FAM53A: variants seen among roughly 807,000 people sequenced by gnomAD.
The protein encoded by FAM53A is protein FAM53A.
Under a neutral mutation model 26.6 loss-of-function variants are expected in FAM53A, and 28 were observed. The ratio of observed to expected loss-of-function variants is 1.05; its 90% CI spans 0.78 to 1.45. The LOEUF (loss-of-function observed/expected upper bound fraction) is 1.45. Ranked by LOEUF, FAM53A falls within the 40% of genes most tolerant of loss-of-function variation. FAM53A has a pLI of 0.00. For synonymous variants in FAM53A, 290 were observed against 253.1 expected (o/e 1.15, Z -1.38); for missense variants, 650 against 575.8 (o/e 1.13, Z -1.32).
rs143474901 is a variant in FAM53A at position 1,669,092 on chromosome 4, TA to T, written c.-164-188del. Among the ~76,000 whole-genome samples, 1,143 of 152,160 alleles carry T rather than the reference TA, an allele frequency of 7.5e-3. 15 individuals carry two copies. Among genetic ancestry groups the T allele is most frequent in the African/African-American group, 0.026 (1,092 of 41,502 alleles). ...AATCTAATCACGGTGGTCTTCTGGC[TA>T]AAGGCAAAGACACACATTAGACCCA... On this transcript the variant is annotated intron_variant, in intron 1 of 4. Transcript: ENST00000308132.
At position 1,655,713 on chromosome 4, in the gene FAM53A, G is replaced by C; in HGVS notation, c.147C>G (p.Pro49=). The C allele has an allele frequency of 6.4e-7, 1 of 1,572,382 alleles. No individual in the cohort carries two copies. The highest frequency in any genetic ancestry group is 1.8e-5 in the Admixed American group (1 of 55,248). Residue 49 remains proline, a synonymous_variant, in exon 4 of 5, where the codon CCC becomes CCG. Transcript: ENST00000308132. ...LFPLELNDQS[P]WKVFSGGPPV... is the part of the protein sequence containing the mutation. The stretch of plus-strand genomic sequence containing the variant: ...GCGGTCCTCCACTGAAGACCTTCCA[G>C]GGACTCTGGTCTACAAAAAAAGACA...
At chr4:1,674,803 G>A (rs1264828846) in intron 1 of FAM53A, among the ~76,000 whole-genome samples, 2 of 152,188 alleles carry the variant, frequency 1.3e-5, no homozygotes, top group South Asian at 2.1e-4. Flanking sequence ...TGTCAGGCCC[G>A]TCTCCCCTTA....
At chr4:1,652,828 CCA>C (rs1560160711) in intron 4 of FAM53A, among the ~76,000 whole-genome samples, 2 of 146,004 alleles carry the variant, frequency 1.4e-5, no homozygotes, top group African/African-American at 5.1e-5. Context: ...ATACTACCCA[CCA>C]CACACCACAC....
downstream of FAM53A, among the ~76,000 whole-genome samples, chr4:1,615,419 ATG>A: frequency 6.8e-6 from 1 of 148,006 alleles, no homozygotes; most frequent in Admixed American, 6.7e-5. Flanking sequence ...CTGGGCACAC[ATG>A]GAAGACAGGA....
chr4:1,641,334 C>A lies in FAM53A; in HGVS notation c.1156G>T (p.Ala386Ser). 6.2e-7 allele frequency: 1 copy of A among 1,611,844 alleles called. No individual in the cohort carries two copies. The highest frequency in any genetic ancestry group is 8.5e-7 in the Non-Finnish European group (1 of 1,179,506). Residue 386 changes from alanine (A) to serine (S), a missense_variant, in exon 5 of 5, where the codon GCC becomes TCC. Physicochemically the swap from Ala to Ser is moderately conservative, Grantham distance 99. Coordinates refer to ENST00000308132, the MANE Select transcript of FAM53A (RefSeq NM_001174070.3). ...TGCTCCAGGTCCAGCTCCCAGCGGG[C>A]CCGGGGGAAGACGCCCTCCTCCCCG... ...SVGEEGVFPR[A>S]RWELDLEQIE...
chr4:1,668,165 G>C (rs1008172058), intron 2 of FAM53A, among the ~76,000 whole-genome samples: 1 of 149,054 alleles, frequency 6.7e-6, no homozygotes, highest in Admixed American at 6.7e-5. Flanking sequence ...TTTTTGAGAC[G>C]GAGTCTCGCT....
intron 2 of FAM53A, among the ~76,000 whole-genome samples, chr4:1,660,186 G>C (rs1407290241): frequency 6.6e-6 from 1 of 152,112 alleles, no homozygotes; most frequent in African/African-American, 2.4e-5. Context: ...GGGAGGCTGA[G>C]GCAGGGGAAT....
chr4:1,585,276 CTTTTTTTT>C, the FAM53A span, among the ~76,000 whole-genome samples: 8 of 75,962 alleles, frequency 1.1e-4, no homozygotes, highest in Non-Finnish European at 1.6e-4. Flanking sequence ...CTCTCTCTCT[CTTTTTTTT>C]TTTTTTTTTT....
At chr4:1,627,522 G>A (rs751046128) in intron 1 of FAM53A, among the ~76,000 whole-genome samples, 1 of 152,180 alleles carries the variant, frequency 6.6e-6, no homozygotes, top group Non-Finnish European at 1.5e-5. Flanking sequence ...CCTGGCCACA[G>A]CTCCCCAGCA....
chr4:1,653,487 TC>T (rs1009072077), intron 4 of FAM53A, among the ~76,000 whole-genome samples: 64 of 152,156 alleles, frequency 4.2e-4, no homozygotes, highest in African/African-American at 1.4e-3. Flanking sequence ...CTCCCATCCC[TC>T]CTGGTCCCCG....
intron 2 of FAM53A, among the ~76,000 whole-genome samples, chr4:1,658,477 T>C (rs1250688020): frequency 6.6e-6 from 1 of 152,212 alleles, no homozygotes; most frequent in Non-Finnish European, 1.5e-5. Context: ...CAAGGGGCCC[T>C]TTCCCACCTG....
chr4:1,655,856 T>C lies in FAM53A; in HGVS notation c.137-133A>G, dbSNP rs1713334497. ...TCGCCGCCACCCCTGGGCGTGCTTC[T>C]CCAAGATGTCCGTGGCGCACAGTGG... On this transcript the variant is annotated intron_variant, in intron 3 of 4. Coordinates refer to ENST00000308132, the MANE Select transcript of FAM53A (RefSeq NM_001174070.3). 6 of 1,111,644 alleles carry C rather than the reference T, an allele frequency of 5.4e-6. 1 individual carries two copies. Among genetic ancestry groups the C allele is most frequent in the South Asian group, 3.4e-5 (2 of 58,636 alleles). 68.9% of individuals were successfully genotyped at this position (1,111,644 alleles called of 1,614,324 possible).
the FAM53A span, among the ~76,000 whole-genome samples, chr4:1,590,537 G>A: frequency 2.0e-5 from 3 of 151,954 alleles, no homozygotes; most frequent in South Asian, 4.2e-4. Context: ...GACCTGCTTG[G>A]GAGGCGTGCC....
chr4:1,672,023 G>GCACCCAGGAACCCATGAACCCAGA (rs1714694877), intron 1 of FAM53A, among the ~76,000 whole-genome samples: 1 of 86,378 alleles, frequency 1.2e-5, no homozygotes, highest in South Asian at 4.8e-4. Context: ...GTGAACACAG[G>GCACCCAGGAACCCATGAACCCAGA]CACCCAGGAA....
At chr4:1,587,034 CT>C in the FAM53A span, among the ~76,000 whole-genome samples, 3 of 152,298 alleles carry the variant, frequency 2.0e-5, no homozygotes, top group Admixed American at 1.3e-4. Flanking sequence ...ATTTGTGTGT[CT>C]TCTTTTGAGA....
At position 1,630,652 on chromosome 4, in the gene FAM53A, C is replaced by T. The variant is rs995240286; in HGVS notation, c.432-12541G>A. 6.6e-6 allele frequency among the ~76,000 whole-genome samples: 1 copy of T among 152,102 alleles called. No homozygotes were observed. The highest frequency in any genetic ancestry group is 2.4e-5 in the African/African-American group (1 of 41,412). On this transcript the variant is annotated intron_variant, in intron 1 of 1. Transcript: ENST00000489029. This position sits in a 1 kb window ranked among gnomAD's most constrained non-coding sequence, Gnocchi z 4.3. ...GCCAGGAGCCTGCTCTAAACACCATCGTGGAAGCCAGACAGAAAAGGCCCG... is the reference window on the plus strand; with the variant it reads ...GCCAGGAGCCTGCTCTAAACACCATTGTGGAAGCCAGACAGAAAAGGCCCG...
intron 4 of FAM53A, 31 bp from the exon 5 acceptor site, chr4:1,641,638 T>C: frequency 6.2e-7 from 1 of 1,610,960 alleles, no homozygotes; most frequent in Non-Finnish European, 8.5e-7. Flanking sequence ...GCTTAAAGCA[T>C]TTCTAGCAGA....
At chr4:1,628,049 GCACC>G (rs1715390711) in intron 1 of FAM53A, among the ~76,000 whole-genome samples, 1 of 33,114 alleles carries the variant, frequency 3.0e-5, no homozygotes, top group Non-Finnish European at 5.7e-5. Context: ...GGGGGAGGGT[GCACC>G]TCAGGGGGTG....
At chr4:1,646,513 A>C (rs1234579968) in intron 4 of FAM53A, among the ~76,000 whole-genome samples, 1 of 152,202 alleles carries the variant, frequency 6.6e-6, no homozygotes, top group Non-Finnish European at 1.5e-5. Flanking sequence ...GGAGCTGCTC[A>C]AAGCTTTTGG....
Sources: gnomAD v4.1 joint callset for allele counts (sites outside exome capture counted in the v4.1 genomes callset) on GRCh38, gnomAD v4.1.1 for gene constraint, Gnocchi (gnomAD v3.1) non-coding constraint, MANE v1.5 for transcripts, NCBI Gene and HGNC (gene_info 2026-07-23, HGNC 2026-07-21) for gene names.